Variants in HMGA2 observed in about 807,000 individuals in gnomAD.
HMGA2 encodes high mobility group protein HMGI-C.
Under a neutral mutation model 19.1 loss-of-function variants are expected in HMGA2, and 8 were observed. That is an observed-to-expected ratio of 0.42 (90% CI 0.25 to 0.76). HMGA2 has a LOEUF of 0.76. Among genes scored for constraint, HMGA2 ranks in the 30% least tolerant of loss-of-function variants. The pLI is 0.28. For missense variants in HMGA2, 109 were observed against 136.3 expected, an observed-to-expected ratio of 0.80 and a Z score of 1.00; for synonymous variants, 60 against 48.8, an observed-to-expected ratio of 1.23 and a Z score of -0.96.
chr12:65,865,717 CT>C (rs1268985397), intron 3 of HMGA2, among the ~76,000 whole-genome samples: 3 of 148,612 alleles, frequency 2.0e-5, no homozygotes, highest in Non-Finnish European at 3.0e-5. Flanking sequence ...TCACTGCAAA[CT>C]CCGTCTCCCA....
intron 3 of HMGA2, among the ~76,000 whole-genome samples, chr12:65,927,362 C>A (rs901624183): frequency 3.9e-5 from 6 of 152,200 alleles, no homozygotes; most frequent in Non-Finnish European, 8.8e-5. Flanking sequence ...TGAATTGCTG[C>A]TTTAACAAAG....
chr12:65,963,355 G>A lies in HMGA2; in HGVS notation c.*63G>A, dbSNP rs1294248321. 12 of 1,200,392 alleles carry A rather than the reference G, an allele frequency of 1.0e-5. No homozygotes were observed. Among genetic ancestry groups the A allele is most frequent in the Non-Finnish European group, 1.2e-6 (1 of 856,756 alleles). The allele number at this position is 1,200,392 out of a possible 1,614,324, so 74.4% of individuals were successfully genotyped here. ...GGATCTTTTGAAGGGAGAAGACACT[G>A]CAGTGACCACTTATTCTGTATTGCC... On this transcript the variant is annotated 3_prime_UTR_variant, in exon 5 of 5. Coordinates refer to ENST00000403681, the MANE Select transcript of HMGA2 (RefSeq NM_003483.6).
At chr12:65,922,174 G>T (rs1013050204) in intron 3 of HMGA2, among the ~76,000 whole-genome samples, 1 of 152,164 alleles carries the variant, frequency 6.6e-6, no homozygotes, top group African/African-American at 2.4e-5. Context: ...TGTGAGAAGA[G>T]GGTCACCATC....
intron 4 of HMGA2, among the ~76,000 whole-genome samples, chr12:65,962,507 C>T (rs1214521046): frequency 6.6e-6 from 1 of 152,138 alleles, no homozygotes; most frequent in African/African-American, 2.4e-5. Flanking sequence ...CAGTTAACGC[C>T]GAACTTGGGT....
In HMGA2 at chr12:65,880,395, C is replaced by T. The variant is rs572823814; in HGVS notation, c.249+41826C>T. Among the ~76,000 whole-genome samples the T allele has an allele frequency of 2.0e-5, 3 of 152,270 alleles. No individual in the cohort carries two copies. In the East Asian group the frequency reaches 5.8e-4, roughly 29 times the overall value. ...TGAAGGATTTTTGTGCCATGAAACACGTGTTGCCCTTTGTATTTAAAGATT... is the reference window on the plus strand; with the variant it reads ...TGAAGGATTTTTGTGCCATGAAACATGTGTTGCCCTTTGTATTTAAAGATT... On this transcript the variant is annotated intron_variant, in intron 3 of 4. Transcript: ENST00000403681.
At chr12:65,922,891 G>A (rs59933041) in intron 3 of HMGA2, among the ~76,000 whole-genome samples, 9,289 of 152,142 alleles carry the variant, frequency 0.061, 363 homozygotes, top group African/African-American at 0.11. Flanking sequence ...AGGAGTTTCC[G>A]CTTTTGCCTC....
At chr12:65,841,103 T>A (rs1265634957) in intron 3 of HMGA2, among the ~76,000 whole-genome samples, 1 of 152,158 alleles carries the variant, frequency 6.6e-6, no homozygotes, top group African/African-American at 2.4e-5. Flanking sequence ...CCTTAAACAG[T>A]TGATGATTCA....
At chr12:65,829,323 TTTC>T (rs1252308247) in intron 2 of HMGA2, among the ~76,000 whole-genome samples, 1 of 152,106 alleles carries the variant, frequency 6.6e-6, no homozygotes, top group African/African-American at 2.4e-5. Context: ...GATTTAATTG[TTTC>T]TTATTTAATC....
chr12:65,961,708 G>C (rs1876755859), intron 4 of HMGA2, among the ~76,000 whole-genome samples: 1 of 152,100 alleles, frequency 6.6e-6, no homozygotes, highest in Non-Finnish European at 1.5e-5. Context: ...TTTGAAGTAT[G>C]CAGTGGCCTG....
chr12:65,847,687 T>C (rs1175857107), intron 3 of HMGA2, among the ~76,000 whole-genome samples: 1 of 152,164 alleles, frequency 6.6e-6, no homozygotes, highest in Admixed American at 6.5e-5. Context: ...TCATAGTTTT[T>C]GTCTGGTAGG....
intron 3 of HMGA2, among the ~76,000 whole-genome samples, chr12:65,923,187 T>C (rs998771561): frequency 1.1e-4 from 17 of 152,104 alleles, no homozygotes; most frequent in African/African-American, 3.9e-4. Flanking sequence ...CCTGCTAATT[T>C]AGTTGGTAAA....
At chr12:65,882,022 G>A (rs1246293662) in intron 3 of HMGA2, 2 of 666,654 alleles carry the variant, frequency 3.0e-6, no homozygotes, top group East Asian at 5.5e-5. Flanking sequence ...GCATGGCTCT[G>A]TGGAGTTTTA....
At chr12:65,881,710 T>A in intron 3 of HMGA2, 2 of 702,198 alleles carry the variant, frequency 2.8e-6, no homozygotes, top group Non-Finnish European at 5.2e-6. Context: ...AAGGAGAGCT[T>A]CACTCACTGA....
intron 4 of HMGA2, chr12:65,953,452 A>C (rs1054975053): frequency 6.6e-6 from 1 of 152,242 alleles, no homozygotes; most frequent in Non-Finnish European, 1.5e-5. Flanking sequence ...AAGAAATTAC[A>C]GATGAGATGA....
intron 3 of HMGA2, among the ~76,000 whole-genome samples, chr12:65,870,923 C>G (rs1056143558): frequency 6.6e-6 from 1 of 152,064 alleles, no homozygotes; most frequent in Non-Finnish European, 1.5e-5. Context: ...TGAACCTAAA[C>G]GCTTTGTGGT....
In HMGA2 at chr12:65,885,382, A is replaced by G. The variant is rs181094383; in HGVS notation, c.249+46813A>G. 4.6e-5 allele frequency among the ~76,000 whole-genome samples: 7 copies of G among 152,346 alleles called. No homozygotes were observed. The East Asian group carries it at 1.3e-3, about 29-fold the overall frequency. On this transcript the variant is annotated intron_variant, in intron 3 of 4. Transcript: ENST00000403681. Reference sequence around the variant, plus strand: ...GGATTGTTGTTATGTTCTTTTGGCCAGAAGACACTCGTCTTCCTGGGAAAT... The same window carrying G: ...GGATTGTTGTTATGTTCTTTTGGCCGGAAGACACTCGTCTTCCTGGGAAAT...
At chr12:65,894,484 T>A (rs140095288) in intron 3 of HMGA2, among the ~76,000 whole-genome samples, 2 of 152,340 alleles carry the variant, frequency 1.3e-5, no homozygotes, top group East Asian at 3.9e-4. Flanking sequence ...TTAAATTTAT[T>A]TCTGCTCTGG....
At chr12:65,946,842 G>C (rs1706876822) in intron 3 of HMGA2, among the ~76,000 whole-genome samples, 1 of 152,092 alleles carries the variant, frequency 6.6e-6, no homozygotes, top group South Asian at 2.1e-4. Flanking sequence ...CTTCCATTTG[G>C]AGAAATGTTC....
At chr12:65,827,673 A>G (rs1301528248) in intron 1 of HMGA2, among the ~76,000 whole-genome samples, 5 of 152,232 alleles carry the variant, frequency 3.3e-5, no homozygotes, top group African/African-American at 1.2e-4. Context: ...TGAGTTGCCA[A>G]ATGCATAGCC....
Sources: allele counts gnomAD v4.1 joint callset (sites outside exome capture counted in the v4.1 genomes callset), GRCh38; gene constraint gnomAD v4.1.1; transcripts MANE v1.5; gene names NCBI Gene and HGNC (gene_info 2026-07-23, HGNC 2026-07-21).